Variants in HERC2 observed in about 807,000 individuals in gnomAD.
HERC2 encodes the protein E3 ubiquitin-protein ligase HERC2.
In HERC2, 102 loss-of-function variants were observed where a neutral mutation model predicts 537.7. The ratio of observed to expected loss-of-function variants is 0.19; its 90% CI spans 0.16 to 0.22. The LOEUF (loss-of-function observed/expected upper bound fraction) is 0.22. Ranked by LOEUF, HERC2 falls within the 10% of genes least tolerant of loss-of-function variation. HERC2 has a pLI of 1.00. For missense variants in HERC2, 4,236 were observed against 6,198.2 expected (o/e 0.68, Z 10.63); for synonymous variants, 2,224 against 2,466.2 (o/e 0.90, Z 2.91).
In HERC2 at chr15:28,144,141, A is replaced by G. The variant is rs1891499081; in HGVS notation, c.11235T>C (p.Ser3745=). The change falls in exon 73 of 93, where the codon TCT becomes TCC. Residue 3745 remains serine, a synonymous_variant. Transcript: ENST00000261609. ...CAAGGCGAGGGACGATGCTTCTGTT[A>G]GAGGCAAGGTTGAGTCGGAAGTCTA... is the stretch of plus-strand genomic sequence containing the variant. ...CLLDFRLNLA[S]NRSIVPRLAA... The G allele has an allele frequency of 6.2e-7, 1 of 1,614,216 alleles. No individual in the cohort carries two copies.
intron 2 of HERC2, among the ~76,000 whole-genome samples, chr15:28,317,341 G>A (rs565335317): frequency 7.9e-5 from 12 of 152,226 alleles, no homozygotes; most frequent in East Asian, 7.7e-4. Flanking sequence ...CGCCCTCCTC[G>A]GCCTCCCAAA....
chr15:28,252,898 C>T lies in HERC2; in HGVS notation c.3050+1442G>A, dbSNP rs182565914. ...TCTGGTTGTGGACAGCAGGCCCACCCCACGCCACAGGCCCAACCCACACCA... is the reference window on the plus strand; with the variant it reads ...TCTGGTTGTGGACAGCAGGCCCACCTCACGCCACAGGCCCAACCCACACCA... On this transcript the variant is annotated intron_variant, in intron 20 of 92. Coordinates refer to ENST00000261609, the MANE Select transcript of HERC2 (RefSeq NM_004667.6). Among the ~76,000 whole-genome samples, 132 of 152,332 alleles carry T rather than the reference C, an allele frequency of 8.7e-4. 1 individual carries two copies. Among genetic ancestry groups the T allele is most frequent in the African/African-American group, 2.9e-3 (119 of 41,582 alleles).
chr15:28,217,276 G>T (rs1435472207), intron 38 of HERC2, among the ~76,000 whole-genome samples: 1 of 151,670 alleles, frequency 6.6e-6, no homozygotes, highest in African/African-American at 2.4e-5. Context: ...ATGCACTGAC[G>T]CTTTCACTCC....
Position 28,252,429 on chromosome 15 carries a change from G to A in HERC2, c.3050+1911C>T, listed in dbSNP as rs570746139. On this transcript the variant is annotated intron_variant, in intron 20 of 92. Transcript: ENST00000261609. Reference sequence around the variant, plus strand: ...GAAGCAGCCTCCTCAGAAAAGGGAGGGGCATTCAAGAACTTAGAAAAGCAC... The same window carrying A: ...GAAGCAGCCTCCTCAGAAAAGGGAGAGGCATTCAAGAACTTAGAAAAGCAC... 1.5e-4 allele frequency among the ~76,000 whole-genome samples: 23 copies of A among 152,130 alleles called. No homozygotes were observed. In the East Asian group the frequency reaches 1.7e-3, roughly 12 times the overall value.
intron 68 of HERC2, among the ~76,000 whole-genome samples, chr15:28,165,450 T>C (rs1894032433): frequency 6.6e-6 from 1 of 152,158 alleles, no homozygotes. Context: ...ATCAATCATA[T>C]TGGTGTGAAC....
Position 28,129,668 on chromosome 15 carries a change from A to T in HERC2, c.12802+495T>A, listed in dbSNP as rs368523467. Among the ~76,000 whole-genome samples, 14 of 152,314 alleles carry T rather than the reference A, an allele frequency of 9.2e-5. No homozygotes were observed. The South Asian group carries it at 2.3e-3, about 25-fold the overall frequency. ...GCTCTGTTCTGCACAGCCCAGTAAT[A>T]AGTAATAAATAGAACTCATTCACAG... On this transcript the variant is annotated intron_variant, in intron 83 of 92. Transcript: ENST00000261609.
chr15:28,306,134 C>T (rs1265294141), intron 2 of HERC2, among the ~76,000 whole-genome samples: 3 of 152,168 alleles, frequency 2.0e-5, no homozygotes, highest in African/African-American at 4.8e-5. Flanking sequence ...AGTGGGCATC[C>T]GTGTCTTGTT....
chr15:28,307,884 G>C (rs59622763), intron 2 of HERC2, among the ~76,000 whole-genome samples: 21,317 of 151,276 alleles, frequency 0.14, 1,292 homozygotes, highest in East Asian at 0.43. Flanking sequence ...TTTGTTTCTG[G>C]ATTCTCTATT....
chr15:28,142,423 G>A (rs759993755), intron 75 of HERC2, 30 bp from the exon 76 acceptor site: 1 of 1,603,556 alleles, frequency 6.2e-7, no homozygotes. Context: ...CAAACTCAGG[G>A]AAACTCAGAA....
chr15:28,225,766 G>C (rs1286174914), intron 35 of HERC2, among the ~76,000 whole-genome samples: 1 of 149,972 alleles, frequency 6.7e-6, no homozygotes, highest in African/African-American at 2.4e-5. Context: ...TGTAAGTGGA[G>C]ACAGTACTAC....
chr15:28,272,912 A>G lies in HERC2; in HGVS notation c.893T>C (p.Val298Ala), dbSNP rs763630837. 1 of 1,611,404 alleles carries G rather than the reference A, an allele frequency of 6.2e-7. No homozygotes were observed. The highest frequency in any genetic ancestry group is 1.7e-5 in the Admixed American group (1 of 60,020). ...LALAILLELA[V>A]QRGTLSQMLS... ...CCCTCACCTCAGCGTGCCTCTCTGC[A>G]CAGCCAGCTCCAGCAGGATGGCCAG... is the stretch of plus-strand genomic sequence containing the variant. The change falls in exon 8 of 93, where the codon GTG (valine) becomes GCG (alanine). Residue 298 changes from valine (V) to alanine (A), a missense_variant. By Grantham distance (64) the Val-to-Ala change is moderately conservative. Around this residue, in one of 27 missense-constraint regions of HERC2, gnomAD observed 491 missense variants for 559.3 expected, o/e 0.88. Coordinates refer to ENST00000261609, the MANE Select transcript of HERC2 (RefSeq NM_004667.6).
chr15:28,242,437 C>T (rs1406402009), intron 23 of HERC2, among the ~76,000 whole-genome samples: 1 of 152,162 alleles, frequency 6.6e-6, no homozygotes, highest in African/African-American at 2.4e-5. Context: ...GCCAGTGTTT[C>T]CCTCGACAAA....
intron 34 of HERC2, 100 bp downstream of exon 34, chr15:28,229,095 A>T: frequency 9.1e-7 from 1 of 1,099,764 alleles, no homozygotes; most frequent in Non-Finnish European, 1.4e-6. Flanking sequence ...ACAAACTTTA[A>T]TTAAAATCTT....
rs368092780 is a variant in HERC2, at chr15:28,175,483, C to A, written c.9831+29G>T. On this transcript the variant is annotated intron_variant, in intron 64 of 92. Coordinates refer to ENST00000261609, the MANE Select transcript of HERC2 (RefSeq NM_004667.6). ...CCACGTCCCCCAAGTCAGGATGGCA[C>A]GCCACCCCCAGGCCACCTGCAGCCT... is the stretch of plus-strand genomic sequence containing the variant. 3.8e-6 allele frequency: 6 copies of A among 1,587,762 alleles called. No homozygotes were observed. The Admixed American group carries it at 1.0e-4, about 27-fold the overall frequency.
chr15:28,297,839 C>T (rs574140848), intron 3 of HERC2, among the ~76,000 whole-genome samples: 47 of 148,440 alleles, frequency 3.2e-4, no homozygotes, highest in African/African-American at 9.5e-4. Context: ...CAAATTTTAC[C>T]TGAAAGTCAA....
At chr15:28,216,140 T>C (rs1331458106) in intron 38 of HERC2, among the ~76,000 whole-genome samples, 5 of 152,258 alleles carry the variant, frequency 3.3e-5, no homozygotes, top group Non-Finnish European at 5.9e-5. Context: ...ACCTTCTAAG[T>C]ATGTGTAGTA....
intron 79 of HERC2, among the ~76,000 whole-genome samples, chr15:28,133,104 A>G (rs932834590): frequency 6.6e-6 from 1 of 151,946 alleles, no homozygotes; most frequent in Non-Finnish European, 1.5e-5. Flanking sequence ...TCAAAGGCCT[A>G]TGAGCTGAGA....
chr15:28,318,065 G>A (rs572359455), intron 2 of HERC2, among the ~76,000 whole-genome samples: 8 of 152,226 alleles, frequency 5.3e-5, no homozygotes, highest in East Asian at 1.9e-4. Flanking sequence ...AAAGACATGC[G>A]CCTTTACCTT....
rs781490049 is a variant in HERC2, at chr15:28,111,760, ATCTTAGTGTCC to A, written c.14497_*2del. On this transcript the variant is annotated stop_lost and 3_prime_UTR_variant, in exon 93 of 93. Coordinates refer to ENST00000261609, the MANE Select transcript of HERC2 (RefSeq NM_004667.6). Reference sequence around the variant, plus strand: ...TCTCATCTCACGAGGACGTTTCCCCATCTTAGTGTCCTGTTAAATAATCTTGTGTAGAGTCC... The same window carrying A: ...TCTCATCTCACGAGGACGTTTCCCCATGTTAAATAATCTTGTGTAGAGTCC... 3.0e-5 allele frequency: 49 copies of A among 1,612,092 alleles called. No individual in the cohort carries two copies. Among genetic ancestry groups the A allele is most frequent in the Non-Finnish European group, 4.1e-5 (48 of 1,178,298 alleles).
Sources: allele counts gnomAD v4.1 joint callset (sites outside exome capture counted in the v4.1 genomes callset), GRCh38; gene constraint gnomAD v4.1.1; regional missense constraint gnomAD v4.1.1; transcripts MANE v1.5; gene names NCBI Gene and HGNC (gene_info 2026-07-23, HGNC 2026-07-21).